The following MTUS2 variants were observed in gnomAD, a reference collection of about 807,000 sequenced individuals.
MTUS2 encodes microtubule-associated tumor suppressor candidate 2.
A neutral mutation model predicts 114.1 loss-of-function variants in MTUS2; 40 were observed. The ratio of observed to expected loss-of-function variants is 0.35; its 90% CI spans 0.27 to 0.46. The LOEUF (loss-of-function observed/expected upper bound fraction) is 0.46, where lower values mean the gene tolerates loss of function less well. MTUS2 is among the 20% of genes least tolerant of loss of function. The pLI is 1.00. For missense variants in MTUS2, 1,679 were observed against 1,705.4 expected (o/e 0.98, Z 0.27); for synonymous variants, 688 against 672.0 (o/e 1.02, Z -0.37).
intron 2 of MTUS2, among the ~76,000 whole-genome samples, chr13:28,918,515 T>C (rs953579943): frequency 2.0e-5 from 3 of 151,974 alleles, no homozygotes; most frequent in African/African-American, 7.2e-5. Context: ...CATGGGATAT[T>C]TTTTTCCATC....
chr13:29,306,176 A>G (rs981290601), intron 6 of MTUS2, among the ~76,000 whole-genome samples: 3 of 152,248 alleles, frequency 2.0e-5, no homozygotes, highest in African/African-American at 4.8e-5. Flanking sequence ...TGCACAGTCA[A>G]TATCCTACTG....
chr13:29,077,614 A>G (rs1889252429), intron 4 of MTUS2, among the ~76,000 whole-genome samples: 1 of 152,200 alleles, frequency 6.6e-6, no homozygotes, highest in Non-Finnish European at 1.5e-5. Flanking sequence ...GGCTGTGGTT[A>G]TCAGTGAGCC....
chr13:28,906,832 G>A (rs956056867), intron 2 of MTUS2, among the ~76,000 whole-genome samples: 4 of 151,496 alleles, frequency 2.6e-5, no homozygotes, highest in African/African-American at 4.9e-5. Context: ...CACTTTGCAC[G>A]GTGTTATCCA....
chr13:29,349,393 T>C (rs1474553803), intron 7 of MTUS2, among the ~76,000 whole-genome samples: 2 of 152,158 alleles, frequency 1.3e-5, no homozygotes, highest in African/African-American at 4.8e-5. Context: ...TACATTGTTA[T>C]TATTATTGAT....
chr13:29,012,707 C>T (rs1199508835), intron 2 of MTUS2, among the ~76,000 whole-genome samples: 8 of 152,010 alleles, frequency 5.3e-5, no homozygotes, highest in Admixed American at 5.2e-4. Context: ...CCCCCATCTC[C>T]ACTAAAAATA....
intron 8 of MTUS2, among the ~76,000 whole-genome samples, chr13:29,369,740 T>C (rs1291026648): frequency 6.6e-6 from 1 of 152,170 alleles, no homozygotes; most frequent in African/African-American, 2.4e-5. Flanking sequence ...AAATCCAAAA[T>C]AGTGAAACTC....
chr13:29,153,187 A>G (rs552751116), intron 5 of MTUS2, among the ~76,000 whole-genome samples: 1 of 152,118 alleles, frequency 6.6e-6, no homozygotes, highest in Non-Finnish European at 1.5e-5. Flanking sequence ...ATGGCTCTTG[A>G]CACTTCAGTC....
In MTUS2 at chr13:29,098,057, C is replaced by G. The variant is rs147070412; in HGVS notation, c.2447-2716C>G. On this transcript the variant is annotated intron_variant, in intron 4 of 15. Transcript: ENST00000612955. ...GTATTCTGTTGAAGTTTTCAAAGAT[C>G]CAGGGACCACCTGAATCAGAATCAC... is the stretch of plus-strand genomic sequence containing the variant. Among the ~76,000 whole-genome samples, 12 of 152,204 alleles carry G rather than the reference C, an allele frequency of 7.9e-5. No homozygotes were observed. In the East Asian group the frequency reaches 2.3e-3, roughly 29 times the overall value.
In MTUS2 at chr13:29,387,295, C is replaced by T. The variant is rs188831669; in HGVS notation, c.3117+27822C>T. ...GCTGAGAGCTGAACAATCCGTTGGG[C>T]AGACGCAGAGGTAACATGATGCGGA... On this transcript the variant is annotated intron_variant, in intron 8 of 15. Coordinates refer to ENST00000612955, the MANE Select transcript of MTUS2 (RefSeq NM_001033602.4). 1.1e-4 allele frequency among the ~76,000 whole-genome samples: 17 copies of T among 152,274 alleles called. No individual in the cohort carries two copies. The East Asian group carries it at 2.9e-3, about 26-fold the overall frequency.
intron 5 of MTUS2, among the ~76,000 whole-genome samples, chr13:29,145,376 C>T (rs1378708761): frequency 2.6e-5 from 4 of 151,824 alleles, no homozygotes; most frequent in African/African-American, 7.3e-5. Context: ...AAAAATGAGC[C>T]GGGCATGTTG....
At chr13:29,433,875 A>G (rs2138653764) in intron 8 of MTUS2, among the ~76,000 whole-genome samples, 1 of 152,348 alleles carries the variant, frequency 6.6e-6, no homozygotes, top group East Asian at 1.9e-4. Flanking sequence ...TGTGTGCCAC[A>G]TTTGAATTTT....
At chr13:28,888,778 A>G (rs539694590) in intron 2 of MTUS2, among the ~76,000 whole-genome samples, 53 of 151,880 alleles carry the variant, frequency 3.5e-4, no homozygotes, top group African/African-American at 1.2e-3. Flanking sequence ...TGCAAACCCC[A>G]TATTGATCTT....
At chr13:29,414,182 A>C (rs1359403391) in intron 8 of MTUS2, among the ~76,000 whole-genome samples, 1 of 23,036 alleles carries the variant, frequency 4.3e-5, no homozygotes, top group Non-Finnish European at 8.6e-5. Context: ...GGAAACCATC[A>C]TTCTCAGTAA....
rs538794689 is a variant in MTUS2 at position 29,364,327 on chromosome 13, A to G, written c.3117+4854A>G. Among the ~76,000 whole-genome samples the G allele has an allele frequency of 2.0e-5, 3 of 152,074 alleles. No individual in the cohort carries two copies. In the South Asian group the frequency reaches 6.2e-4, roughly 32 times the overall value. ...AAAGAGGAAGGAAGAGCGTATTGGG[A>G]CGAGAACACCCGATGCCTGCTGTCT... On this transcript the variant is annotated intron_variant, in intron 8 of 15. Coordinates refer to ENST00000612955, the MANE Select transcript of MTUS2 (RefSeq NM_001033602.4).
intron 4 of MTUS2, among the ~76,000 whole-genome samples, chr13:29,061,502 G>GA (rs1430541367): frequency 6.6e-6 from 1 of 151,848 alleles, no homozygotes; most frequent in African/African-American, 2.4e-5. Flanking sequence ...TCATCCAAAG[G>GA]GTTAATGGGA....
intron 8 of MTUS2, among the ~76,000 whole-genome samples, chr13:29,397,426 C>T (rs1249842700): frequency 6.6e-6 from 1 of 152,142 alleles, no homozygotes; most frequent in Non-Finnish European, 1.5e-5. Flanking sequence ...TCTCATTCCC[C>T]CCATAACCAG....
intron 2 of MTUS2, among the ~76,000 whole-genome samples, chr13:29,010,768 C>T (rs1885804517): frequency 6.6e-6 from 1 of 152,116 alleles, no homozygotes; most frequent in African/African-American, 2.4e-5. Flanking sequence ...CAGAACTGTC[C>T]TCACACTTTA....
chr13:29,472,192 T>C (rs1880369325), intron 9 of MTUS2, among the ~76,000 whole-genome samples: 1 of 151,994 alleles, frequency 6.6e-6, no homozygotes, highest in Non-Finnish European at 1.5e-5. Context: ...GCCTGGTTAA[T>C]GTTTATATTT....
intron 5 of MTUS2, among the ~76,000 whole-genome samples, chr13:29,245,194 A>G (rs983103697): frequency 6.6e-6 from 1 of 152,130 alleles, no homozygotes; most frequent in East Asian, 1.9e-4. Context: ...ATGTTAAGCA[A>G]TGAGACTCAA....
Sources: allele counts gnomAD v4.1 joint callset (sites outside exome capture counted in the v4.1 genomes callset), GRCh38; gene constraint gnomAD v4.1.1; transcripts MANE v1.5; gene names NCBI Gene and HGNC (gene_info 2026-07-23, HGNC 2026-07-21).